DOCK8: variants seen among roughly 807,000 people sequenced by gnomAD.
DOCK8 encodes the protein dedicator of cytokinesis protein 8.
In DOCK8, 141 loss-of-function variants were observed where a neutral mutation model predicts 245.6. The ratio of observed to expected loss-of-function variants is 0.57; its 90% CI spans 0.50 to 0.66. The LOEUF is 0.66. DOCK8 is among the 30% of genes least tolerant of loss of function. DOCK8 has a pLI of 0.00. For missense variants in DOCK8, 2,965 were observed against 2,603.4 expected (o/e 1.14, Z -3.02); for synonymous variants, 1,168 against 970.2 (o/e 1.20, Z -3.79).
At chr9:256,053 T>C (rs2047765223) in intron 1 of DOCK8, among the ~76,000 whole-genome samples, 1 of 152,216 alleles carries the variant, frequency 6.6e-6, no homozygotes, top group Admixed American at 6.5e-5. Flanking sequence ...CTTCTGCATC[T>C]ATCACACTAA....
At chr9:410,126 C>T (rs187597543) in intron 28 of DOCK8, among the ~76,000 whole-genome samples, 1 of 152,118 alleles carries the variant, frequency 6.6e-6, no homozygotes, top group African/African-American at 2.4e-5. Flanking sequence ...ATTTTATTTA[C>T]TTTTTATTAT....
intron 10 of DOCK8, among the ~76,000 whole-genome samples, chr9:333,846 G>A (rs1325615747): frequency 1.3e-5 from 2 of 152,060 alleles, no homozygotes; most frequent in East Asian, 1.9e-4. Flanking sequence ...GTTCACTTGG[G>A]AGCTTGGTAG....
At chr9:367,855 G>A (rs1352341592) in intron 14 of DOCK8, among the ~76,000 whole-genome samples, 163 bp from the exon 15 acceptor site, 2 of 152,158 alleles carry the variant, frequency 1.3e-5, no homozygotes, top group Non-Finnish European at 2.9e-5. Context: ...AGCTGAAGAG[G>A]AAGAATCAAG....
At chr9:261,112 A>G (rs1390570593) in intron 1 of DOCK8, among the ~76,000 whole-genome samples, 1 of 151,774 alleles carries the variant, frequency 6.6e-6, no homozygotes, top group Non-Finnish European at 1.5e-5. Context: ...AGAAATTATT[A>G]CCTAGATTGT....
chr9:239,662 T>C (rs2047336518), intron 1 of DOCK8, among the ~76,000 whole-genome samples: 1 of 152,196 alleles, frequency 6.6e-6, no homozygotes, highest in Non-Finnish European at 1.5e-5. Context: ...AAGTCAGAAG[T>C]GCAGGTAAGC....
intron 4 of DOCK8, among the ~76,000 whole-genome samples, chr9:294,163 A>G (rs1418428326): frequency 1.3e-5 from 2 of 152,252 alleles, no homozygotes; most frequent in African/African-American, 4.8e-5. Flanking sequence ...CTAGTATTCA[A>G]AGGGTGAAGG....
chr9:231,009 T>G (rs2131372531), intron 1 of DOCK8, among the ~76,000 whole-genome samples: 1 of 152,292 alleles, frequency 6.6e-6, no homozygotes, highest in Admixed American at 6.5e-5. Context: ...TGCCTAGGTT[T>G]TCTTCTAGGG....
chr9:379,808 C>T lies in DOCK8; in HGVS notation c.2478C>T (p.Ala826=), dbSNP rs1452423931. The change falls in exon 21 of 48, where the codon GCC becomes GCT. Residue 826 remains alanine, a synonymous_variant. Coordinates refer to ENST00000432829, the MANE Select transcript of DOCK8 (RefSeq NM_203447.4). ...AGTTTGCCTTCGAGTCCGTGGTGGC[C>T]ATCGCCAACAGTCTGCACAACAGCA... ...FSQFAFESVV[A]IANSLHNSKD... is the part of the protein sequence containing the mutation. 2.5e-6 allele frequency: 4 copies of T among 1,614,090 alleles called. No homozygotes were observed. The African/African-American group carries it at 5.3e-5, about 22-fold the overall frequency.
intron 2 of DOCK8, among the ~76,000 whole-genome samples, chr9:275,154 A>T (rs1251858071): frequency 2.0e-5 from 3 of 152,216 alleles, no homozygotes; most frequent in African/African-American, 4.8e-5. Context: ...TGCTGTCCCT[A>T]GTAGGGAATA....
At chr9:312,813 A>C in intron 6 of DOCK8, 1 of 270,724 alleles carries the variant, frequency 3.7e-6, no homozygotes, top group Non-Finnish European at 7.2e-6. Flanking sequence ...GTCTGTTTGA[A>C]CTCCTTATAC....
At chr9:298,268 T>C (rs2049354097) in intron 4 of DOCK8, among the ~76,000 whole-genome samples, 1 of 152,034 alleles carries the variant, frequency 6.6e-6, no homozygotes, top group South Asian at 2.1e-4. Flanking sequence ...CTACTAAAAA[T>C]ACAAAAATTA....
chr9:317,904 G>C (rs1228519124), intron 7 of DOCK8, among the ~76,000 whole-genome samples: 1 of 151,616 alleles, frequency 6.6e-6, no homozygotes, highest in Admixed American at 6.6e-5. Context: ...GTTTCATCTT[G>C]TGGGCCAATT....
intron 5 of DOCK8, among the ~76,000 whole-genome samples, chr9:306,251 A>G (rs1563902014): frequency 6.6e-6 from 1 of 152,206 alleles, no homozygotes. Context: ...TGGTCCCCCT[A>G]AAGCAAAGCC....
intron 1 of DOCK8, 34 bp downstream of exon 1, chr9:215,063 C>G (rs537688767): frequency 1.5e-5 from 24 of 1,551,632 alleles, no homozygotes; most frequent in African/African-American, 5.6e-5. Context: ...AGGTTGCGGC[C>G]GGACAGCCCA....
At chr9:286,069 G>T (rs1189492494) in intron 2 of DOCK8, among the ~76,000 whole-genome samples, 4 of 152,176 alleles carry the variant, frequency 2.6e-5, no homozygotes, top group African/African-American at 9.7e-5. Context: ...CTGGAAAATT[G>T]TCTCCGTTCC....
In DOCK8 at chr9:379,874, G is replaced by T. The variant is rs763022637; in HGVS notation, c.2544G>T (p.Leu848=). The change falls in exon 21 of 48, where the codon CTG becomes CTT. Residue 848 remains leucine, a synonymous_variant. Transcript: ENST00000432829. ...ACCAGCATGGGAGGAACTGCCTGCT[G>T]GCTTCCTACGTGCACTACGTCTTCC... ...SKDQHGRNCL[L]ASYVHYVFRL... 1.2e-6 allele frequency: 2 copies of T among 1,614,246 alleles called. No homozygotes were observed. Among genetic ancestry groups the T allele is most frequent in the Non-Finnish European group, 1.7e-6 (2 of 1,180,034 alleles).
intron 46 of DOCK8, among the ~76,000 whole-genome samples, chr9:460,723 A>C (rs994727800): frequency 1.3e-5 from 2 of 152,250 alleles, no homozygotes; most frequent in Middle Eastern, 3.2e-3. Flanking sequence ...TTCCATGATG[A>C]AGCTGTGGTG....
intron 2 of DOCK8, among the ~76,000 whole-genome samples, chr9:272,408 G>A (rs2048187524): frequency 6.6e-6 from 1 of 151,802 alleles, no homozygotes; most frequent in South Asian, 2.1e-4. Context: ...TTTGAGACAG[G>A]GTGTCAGTCT....
intron 46 of DOCK8, among the ~76,000 whole-genome samples, chr9:460,899 T>C (rs2057783624): frequency 6.6e-6 from 1 of 152,264 alleles, no homozygotes; most frequent in Non-Finnish European, 1.5e-5. Flanking sequence ...AGGAAAATAA[T>C]GTAAGCCATA....
Sources: allele counts gnomAD v4.1 joint callset (sites outside exome capture counted in the v4.1 genomes callset), GRCh38; gene constraint gnomAD v4.1.1; transcripts MANE v1.5; gene names NCBI Gene and HGNC (gene_info 2026-07-23, HGNC 2026-07-21).